The following PDGFRB variants were observed in gnomAD, a reference collection of about 807,000 sequenced individuals.
PDGFRB encodes the protein platelet derived growth factor receptor beta.
In PDGFRB, 42 loss-of-function variants were observed where a neutral mutation model predicts 120.2. That is an observed-to-expected ratio of 0.35 (90% CI 0.27 to 0.45). The LOEUF (loss-of-function observed/expected upper bound fraction) is 0.45, where lower values mean the gene tolerates loss of function less well. Ranked by LOEUF, PDGFRB falls within the 20% of genes least tolerant of loss-of-function variation. The pLI, the probability that PDGFRB is intolerant of heterozygous loss-of-function variation, is 1.00. For missense variants in PDGFRB, 1,149 were observed against 1,476.3 expected, an observed-to-expected ratio of 0.78 and a Z score of 3.63; for synonymous variants, 586 against 606.8, an observed-to-expected ratio of 0.97 and a Z score of 0.50.
chr5:150,117,517 C>T (rs1244721091), intron 22 of PDGFRB, 101 bp downstream of exon 22: 2 of 690,776 alleles, frequency 2.9e-6, no homozygotes, highest in Non-Finnish European at 5.1e-6. Flanking sequence ...ACCTCTGAGG[C>T]AAACCTGGCA....
chr5:150,140,869 T>C (rs1184929496), intron 1 of PDGFRB, among the ~76,000 whole-genome samples: 2 of 152,054 alleles, frequency 1.3e-5, no homozygotes, highest in African/African-American at 4.8e-5. Flanking sequence ...CACGTACAAT[T>C]CTCCACTCCT....
chr5:150,138,384 G>A (rs759514237), intron 1 of PDGFRB, among the ~76,000 whole-genome samples: 41 of 152,142 alleles, frequency 2.7e-4, no homozygotes, highest in Non-Finnish European at 5.3e-4. Flanking sequence ...CGCTCTCCCT[G>A]TGGCCTAAGT....
intron 1 of PDGFRB, 68 bp from the exon 2 acceptor site, chr5:150,137,121 T>G: frequency 7.4e-7 from 1 of 1,355,856 alleles, no homozygotes; most frequent in South Asian, 1.2e-5. Flanking sequence ...TCTCACCACC[T>G]GGCTCCTGCA....
chr5:150,116,697 C>T (rs998295564), intron 22 of PDGFRB, among the ~76,000 whole-genome samples: 6 of 152,188 alleles, frequency 3.9e-5, no homozygotes, highest in South Asian at 4.2e-4. Flanking sequence ...TGTCTGAGGG[C>T]ACAAAACAGG....
intron 1 of PDGFRB, among the ~76,000 whole-genome samples, chr5:150,151,467 T>C (rs535679574): frequency 3.3e-5 from 5 of 152,302 alleles, no homozygotes; most frequent in African/African-American, 1.2e-4. Context: ...ATCAAGGGGA[T>C]CTGGAGTCAG....
Position 150,115,820 on chromosome 5 carries a change from C to G in PDGFRB, c.3264G>C (p.Gln1088His). The G allele has an allele frequency of 2.5e-6, 4 of 1,612,942 alleles. No individual in the cohort carries two copies. The highest frequency in any genetic ancestry group is 3.4e-6 in the Non-Finnish European group (4 of 1,179,430). ...GCGCAGGGCACCCCGAATCCGGCAA[C>G]TGTTCCAGCTCTGGCTCCGGCTCCA... ...LQVEPEPELEQLPDSGCPAPR... is the reference protein window; with the variant it reads ...LQVEPEPELEHLPDSGCPAPR... Residue 1088 changes from glutamine (Q) to histidine (H), a missense_variant, in exon 23 of 23, where the codon CAG (glutamine) becomes CAC (histidine). By Grantham distance (24) the Gln-to-His change is conservative. This residue lies in a region of PDGFRB where 202 missense variants were observed against 214.3 expected (regional missense o/e 0.94). Transcript: ENST00000261799.
intron 1 of PDGFRB, among the ~76,000 whole-genome samples, chr5:150,146,944 C>T (rs1315042768): frequency 2.6e-5 from 4 of 152,164 alleles, no homozygotes; most frequent in African/African-American, 4.8e-5. Context: ...ATTTTAAAGT[C>T]GAGCTAGGGA....
At chr5:150,136,445 G>A (rs1298497259) in intron 2 of PDGFRB, among the ~76,000 whole-genome samples, 7 of 152,176 alleles carry the variant, frequency 4.6e-5, no homozygotes, top group Admixed American at 4.6e-4. Flanking sequence ...CCTGGAGAAG[G>A]ATTTTTCAGG....
At chr5:150,129,655 C>T (rs2113902281) in intron 10 of PDGFRB, 102 bp downstream of exon 10, 2 of 925,650 alleles carry the variant, frequency 2.2e-6, no homozygotes, top group East Asian at 5.1e-5. Flanking sequence ...CCTGGGCATG[C>T]TAACTCCTTT....
chr5:150,116,541 G>A (rs1024512645), intron 22 of PDGFRB, among the ~76,000 whole-genome samples: 167 of 152,042 alleles, frequency 1.1e-3, no homozygotes, highest in African/African-American at 3.8e-3. Flanking sequence ...CCTGGGAGGT[G>A]GAGGTTGCAG....
At chr5:150,138,864 A>G (rs1033342672) in intron 1 of PDGFRB, among the ~76,000 whole-genome samples, 4 of 152,208 alleles carry the variant, frequency 2.6e-5, no homozygotes, top group Non-Finnish European at 4.4e-5. Context: ...GGAGGGGGTC[A>G]CTTCAGCTTC....
At chr5:150,151,677 C>T (rs902462964) in intron 1 of PDGFRB, among the ~76,000 whole-genome samples, 5 of 152,046 alleles carry the variant, frequency 3.3e-5, no homozygotes, top group South Asian at 2.1e-4. Flanking sequence ...CTGGCCAACA[C>T]GGTGAAACCC....
rs778267993 is a variant in PDGFRB at position 150,115,723 on chromosome 5, G to C, written c.*40C>G. The C allele has an allele frequency of 2.7e-5, 41 of 1,510,356 alleles. No homozygotes were observed. Among genetic ancestry groups the C allele is most frequent in the South Asian group, 7.9e-5 (6 of 76,424 alleles). 93.6% of individuals were successfully genotyped at this position (1,510,356 alleles called of 1,614,324 possible). On this transcript the variant is annotated 3_prime_UTR_variant, in exon 23 of 23. Coordinates refer to ENST00000261799, the MANE Select transcript of PDGFRB (RefSeq NM_002609.4). ...GGCCAGGAGATGCTGGGTGCTGGCA[G>C]GGGGGGAGCTTCAGGCAGGGCAGGG...
At position 150,132,602 on chromosome 5, in the gene PDGFRB, A is replaced by T. The variant is rs937787879; in HGVS notation, c.1127+148T>A. The T allele has an allele frequency of 2.5e-5, 17 of 686,340 alleles. No homozygotes were observed. Among genetic ancestry groups the T allele is most frequent in the Admixed American group, 1.1e-4 (4 of 35,018 alleles). 42.5% of individuals were successfully genotyped at this position (686,340 alleles called of 1,614,324 possible). On this transcript the variant is annotated intron_variant, in intron 7 of 22. Coordinates refer to ENST00000261799, the MANE Select transcript of PDGFRB (RefSeq NM_002609.4). The surrounding 1 kb of genome is among the most constrained non-coding windows in gnomAD (Gnocchi z 5.0). ...GAAACTCTAGGAGGGATGAACTGTC[A>T]GCTCTGGTCGCTGCAGCATCCCCAG... is the stretch of plus-strand genomic sequence containing the variant.
In PDGFRB at chr5:150,117,542, GCGCACACACA is replaced by G. The variant is rs1472714480; in HGVS notation, c.3137+66_3137+75del. 1,667 of 463,232 alleles carry G rather than the reference GCGCACACACA, an allele frequency of 3.6e-3. 12 individuals carry two copies. In the African/African-American group the frequency reaches 0.057, roughly 16 times the overall value. The allele number at this position is 463,232 out of a possible 1,614,324, so 28.7% of individuals were successfully genotyped here. A position where few individuals can be genotyped will look rare whatever the true frequency, so the allele number is the denominator to read the frequency against. ...CAAACCTGGCAGCGCGCGCGCGCGC[GCGCACACACA>G]CACACACACACACACACACACACAC... is the stretch of plus-strand genomic sequence containing the variant. On this transcript the variant is annotated intron_variant, in intron 22 of 22. Coordinates refer to ENST00000261799, the MANE Select transcript of PDGFRB (RefSeq NM_002609.4).
At chr5:150,125,633 C>T in intron 11 of PDGFRB, 56 bp from the exon 12 acceptor site, 2 of 1,591,506 alleles carry the variant, frequency 1.3e-6, no homozygotes, top group East Asian at 4.5e-5. Context: ...CCCTGAGCCC[C>T]ATTAGGTTCG....
chr5:150,142,038 G>A (rs994690870), intron 1 of PDGFRB, among the ~76,000 whole-genome samples: 7 of 152,126 alleles, frequency 4.6e-5, no homozygotes, highest in African/African-American at 1.7e-4. Context: ...AAATGCCTGA[G>A]GGAGGAGGAG....
At chr5:150,133,451 C>T in intron 6 of PDGFRB, 135 bp downstream of exon 6, 1 of 752,286 alleles carries the variant, frequency 1.3e-6, no homozygotes. Context: ...GGGGCTGTGA[C>T]AGGCACTGGG....
chr5:150,139,463 A>G (rs543154464), intron 1 of PDGFRB, among the ~76,000 whole-genome samples: 74 of 152,096 alleles, frequency 4.9e-4, no homozygotes, highest in Non-Finnish European at 1.0e-3. Flanking sequence ...TGACAGGCCA[A>G]AGAGAAGATT....
Sources: allele counts gnomAD v4.1 joint callset (sites outside exome capture counted in the v4.1 genomes callset), GRCh38; gene constraint gnomAD v4.1.1; regional missense constraint gnomAD v4.1.1; non-coding constraint Gnocchi (gnomAD v3.1); transcripts MANE v1.5; gene names NCBI Gene and HGNC (gene_info 2026-07-23, HGNC 2026-07-21).